Variants in PPP1R16B observed in about 807,000 individuals in gnomAD.
PPP1R16B encodes protein phosphatase 1 regulatory subunit 16B.
In PPP1R16B, 14 loss-of-function variants were observed where a neutral mutation model predicts 61.7. The ratio of observed to expected loss-of-function variants is 0.23; its 90% CI spans 0.15 to 0.35. PPP1R16B has a LOEUF of 0.35. PPP1R16B is among the 10% of genes least tolerant of loss of function. The pLI is 1.00. For synonymous variants in PPP1R16B, 266 were observed against 305.3 expected (o/e 0.87, Z 1.34); for missense variants, 547 against 752.5 (o/e 0.73, Z 3.19).
At chr20:38,836,646 G>A (rs956757516) in intron 2 of PPP1R16B, among the ~76,000 whole-genome samples, 14 of 152,142 alleles carry the variant, frequency 9.2e-5, no homozygotes, top group African/African-American at 2.9e-4. Context: ...GGCAAGAGCC[G>A]CAGCGCCAGG....
intron 2 of PPP1R16B, among the ~76,000 whole-genome samples, chr20:38,859,762 G>A (rs1408970469): frequency 1.3e-5 from 2 of 152,088 alleles, no homozygotes; most frequent in Non-Finnish European, 2.9e-5. Flanking sequence ...AGGTGTTGGG[G>A]TTATAGGCAT....
At chr20:38,917,313 G>T in intron 10 of PPP1R16B, among the ~76,000 whole-genome samples, 1 of 150,286 alleles carries the variant, frequency 6.7e-6, no homozygotes. Flanking sequence ...AAAAAAAAAG[G>T]ACTTTTAAGA....
intron 2 of PPP1R16B, among the ~76,000 whole-genome samples, chr20:38,875,589 C>G (rs573130959): frequency 2.6e-5 from 4 of 152,146 alleles, no homozygotes; most frequent in Admixed American, 2.0e-4. Flanking sequence ...ATCAAACACC[C>G]GCAAACAAAA....
intron 2 of PPP1R16B, among the ~76,000 whole-genome samples, chr20:38,882,943 C>T (rs746470940): frequency 4.6e-5 from 7 of 152,152 alleles, no homozygotes; most frequent in Non-Finnish European, 8.8e-5. Context: ...AATGAGAGGC[C>T]AGTGTGGCTG....
At chr20:38,859,739 C>A (rs2085034464) in intron 2 of PPP1R16B, among the ~76,000 whole-genome samples, 1 of 152,184 alleles carries the variant, frequency 6.6e-6, no homozygotes, top group Admixed American at 6.5e-5. Context: ...AGTCCTACCA[C>A]CTCAGCCTCC....
At chr20:38,872,675 C>T (rs1388561290) in intron 2 of PPP1R16B, 1 of 152,394 alleles carries the variant, frequency 6.6e-6, no homozygotes, top group Non-Finnish European at 1.5e-5. Flanking sequence ...CTGGGCTAGA[C>T]CACGAACCCT....
chr20:38,878,758 C>T (rs2085185401), intron 2 of PPP1R16B, among the ~76,000 whole-genome samples: 1 of 152,152 alleles, frequency 6.6e-6, no homozygotes, highest in African/African-American at 2.4e-5. Context: ...ATTATGATGG[C>T]TGTGAAGCTA....
intron 1 of PPP1R16B, among the ~76,000 whole-genome samples, chr20:38,822,587 C>G (rs1358418015): frequency 2.0e-5 from 3 of 150,496 alleles, no homozygotes; most frequent in Non-Finnish European, 4.4e-5. Context: ...CTACTTTGCC[C>G]TTACTAGAAG....
chr20:38,874,784 TG>T (rs1456342803), intron 2 of PPP1R16B, among the ~76,000 whole-genome samples: 1 of 152,190 alleles, frequency 6.6e-6, no homozygotes, highest in Non-Finnish European at 1.5e-5. Context: ...GGAGCAAGCA[TG>T]GGTCAAGTGT....
Position 38,907,454 on chromosome 20 carries a change from G to A in PPP1R16B, c.899-352G>A, listed in dbSNP as rs186169612. On this transcript the variant is annotated intron_variant, in intron 8 of 10. Coordinates refer to ENST00000299824, the MANE Select transcript of PPP1R16B (RefSeq NM_015568.4). This position sits in a 1 kb window ranked among gnomAD's most constrained non-coding sequence, Gnocchi z 4.5. Reference sequence around the variant, plus strand: ...ATGAAGGGGTTAGGTAGAATAGATGGGAGTATGTAGCTTTATTAGCATCTT... The same window carrying A: ...ATGAAGGGGTTAGGTAGAATAGATGAGAGTATGTAGCTTTATTAGCATCTT... Among the ~76,000 whole-genome samples the A allele has an allele frequency of 1.3e-5, 2 of 152,252 alleles. No homozygotes were observed. The highest frequency in any genetic ancestry group is 4.8e-5 in the African/African-American group (2 of 41,546).
chr20:38,902,619 G>C (rs749043766), intron 5 of PPP1R16B, 49 bp from the exon 6 acceptor site: 2 of 1,611,612 alleles, frequency 1.2e-6, no homozygotes, highest in African/African-American at 2.7e-5. Flanking sequence ...CTGCCCTCTG[G>C]GGTCGTAGGC....
At position 38,918,081 on chromosome 20, in the gene PPP1R16B, C is replaced by T. The variant is rs2085556447; in HGVS notation, c.1195-76C>T. On this transcript the variant is annotated intron_variant, in intron 10 of 10. Transcript: ENST00000299824. The surrounding 1 kb of genome is among the most constrained non-coding windows in gnomAD (Gnocchi z 5.3). ...TAGAGGAAAAGTCCAAACAATAATG[C>T]CCTCAGCAGAGAGACAGGTGGATAG... is the stretch of plus-strand genomic sequence containing the variant. 2 of 1,545,490 alleles carry T rather than the reference C, an allele frequency of 1.3e-6. No homozygotes were observed. The highest frequency in any genetic ancestry group is 1.4e-5 in the African/African-American group (1 of 73,364).
intron 2 of PPP1R16B, among the ~76,000 whole-genome samples, chr20:38,845,641 GA>G (rs997963678): frequency 1.3e-5 from 2 of 152,136 alleles, no homozygotes; most frequent in Non-Finnish European, 2.9e-5. Context: ...TGTGTGATGG[GA>G]ACAGGGTTGG....
At position 38,900,679 on chromosome 20, in the gene PPP1R16B, A is replaced by G; in HGVS notation, c.566A>G (p.Tyr189Cys). The change falls in exon 5 of 11, where the codon TAC (tyrosine) becomes TGC (cysteine). Residue 189 changes from tyrosine to cysteine, a missense_variant. Physicochemically the swap from Tyr to Cys is radical, Grantham distance 194 (BLOSUM62 -2). Transcript: ENST00000299824. ...GATGTCATCGAGACCTGCATGGCAT[A>G]CCAGGGTAAGGGAGGGCAGCCTGCT... ...TLDVIETCMA[Y>C]QGITQEKINE... 1 of 1,582,392 alleles carries G rather than the reference A, an allele frequency of 6.3e-7. No homozygotes were observed. Among genetic ancestry groups the G allele is most frequent in the Non-Finnish European group, 8.6e-7 (1 of 1,167,486 alleles).
chr20:38,842,673 C>G (rs1031540567), intron 2 of PPP1R16B, among the ~76,000 whole-genome samples: 40 of 152,060 alleles, frequency 2.6e-4, no homozygotes, highest in African/African-American at 9.7e-4. Flanking sequence ...GCTCAGTCAT[C>G]CCTGCCACCT....
In PPP1R16B at chr20:38,906,030, T is replaced by C. The variant is rs2085438790; in HGVS notation, c.758T>C (p.Val253Ala). 4 of 1,613,210 alleles carry C rather than the reference T, an allele frequency of 2.5e-6. No homozygotes were observed. The East Asian group carries it at 6.7e-5, about 27-fold the overall frequency. Residue 253 changes from valine to alanine, a missense_variant, in exon 7 of 11, where the codon GTG becomes GCG. Transcript: ENST00000299824. ...GCTGAGCTCCTCCTGGACCATGGAG[T>C]GCGTGTGGATGTGAAGGACTGGGAT... The part of the protein sequence containing the change: ...RAAELLLDHG[V>A]RVDVKDWDGW...
intron 6 of PPP1R16B, among the ~76,000 whole-genome samples, chr20:38,904,656 T>A (rs534090841): frequency 2.8e-4 from 42 of 151,456 alleles, no homozygotes; most frequent in Non-Finnish European, 5.6e-4. Context: ...TTTTTCAAGT[T>A]GGAAAAAAAA....
chr20:38,885,217 A>T (rs1178509025), intron 2 of PPP1R16B, among the ~76,000 whole-genome samples: 1 of 151,770 alleles, frequency 6.6e-6, no homozygotes, highest in Non-Finnish European at 1.5e-5. Context: ...ATAATAAAAG[A>T]AGAAGAAGAA....
intron 10 of PPP1R16B, among the ~76,000 whole-genome samples, chr20:38,913,994 C>A (rs188982291): frequency 1.3e-5 from 2 of 152,096 alleles, no homozygotes; most frequent in Admixed American, 6.6e-5. Context: ...GAGTTTGAGA[C>A]CAGCCTGGCC....
Sources: allele counts gnomAD v4.1 joint callset (sites outside exome capture counted in the v4.1 genomes callset), GRCh38; gene constraint gnomAD v4.1.1; non-coding constraint Gnocchi (gnomAD v3.1); transcripts MANE v1.5; gene names NCBI Gene and HGNC (gene_info 2026-07-23, HGNC 2026-07-21).